The following ZNF107 variants were observed in gnomAD, a reference collection of about 807,000 sequenced individuals.
The protein encoded by ZNF107 is C2H2 type zinc-finger protein.
ZNF107 carries 19 observed loss-of-function variants against 12.3 expected under a neutral mutation model. That is an observed-to-expected ratio of 1.55 (90% CI 1.08 to 2.27). ZNF107 has a LOEUF of 2.27. Ranked by LOEUF, ZNF107 falls within the 30% of genes most tolerant of loss-of-function variation. The pLI is 0.00. For missense variants in ZNF107, 958 were observed against 979.9 expected (o/e 0.98, Z 0.30); for synonymous variants, 317 against 330.5 (o/e 0.96, Z 0.44).
At chr7:64,666,400 G>GC (rs1789004015) in intron 1 of ZNF107, 115 bp downstream of exon 1, 2 of 1,413,520 alleles carry the variant, frequency 1.4e-6, no homozygotes, top group Non-Finnish European at 9.7e-7. Flanking sequence ...GTTCTCCTTG[G>GC]CGCAGCTCGG....
At chr7:64,666,627 CAG>C (rs1789016503) in intron 1 of ZNF107, among the ~76,000 whole-genome samples, 1 of 152,168 alleles carries the variant, frequency 6.6e-6, no homozygotes, top group African/African-American at 2.4e-5. Context: ...GGAGGGTCAT[CAG>C]GGGAGAATCC....
chr7:64,666,678 A>G (rs1789018891), intron 1 of ZNF107, among the ~76,000 whole-genome samples: 1 of 152,210 alleles, frequency 6.6e-6, no homozygotes, highest in Non-Finnish European at 1.5e-5. Flanking sequence ...GAAAAGCTTT[A>G]GTCTGTGGGG....
intron 1 of ZNF107, among the ~76,000 whole-genome samples, chr7:64,668,514 C>G (rs559219374): frequency 6.6e-6 from 1 of 151,656 alleles, no homozygotes; most frequent in South Asian, 2.1e-4. Context: ...CCCCGCCACT[C>G]CCTGGGTTTG....
In ZNF107 at chr7:64,706,517, C is replaced by A; in HGVS notation, c.420C>A (p.Thr140=). Residue 140 remains threonine, a synonymous_variant, in exon 4 of 4, where the codon ACC becomes ACA. Transcript: ENST00000620827. The part of the protein sequence containing the change: ...HNTVNQCLTA[T]PSKIFQCNKY... ...CAGTTAACCAATGTTTGACAGCTACCCCAAGCAAAATATTCCAGTGTAATA... is the reference window on the plus strand; with the variant it reads ...CAGTTAACCAATGTTTGACAGCTACACCAAGCAAAATATTCCAGTGTAATA... 3 of 1,610,404 alleles carry A rather than the reference C, an allele frequency of 1.9e-6. No individual in the cohort carries two copies. Among genetic ancestry groups the A allele is most frequent in the Non-Finnish European group, 2.5e-6 (3 of 1,178,058 alleles).
intron 3 of ZNF107, among the ~76,000 whole-genome samples, chr7:64,705,781 T>G (rs1045386876): frequency 6.6e-5 from 10 of 151,952 alleles, no homozygotes; most frequent in Non-Finnish European, 1.5e-4. Flanking sequence ...GTTACCTGTC[T>G]GTAGTACTGC....
chr7:64,683,378 A>G (rs962208156), intron 1 of ZNF107, among the ~76,000 whole-genome samples: 5 of 152,184 alleles, frequency 3.3e-5, no homozygotes, highest in Non-Finnish European at 5.9e-5. Context: ...CCCTATCACT[A>G]AAGGAAATGC....
intron 3 of ZNF107, among the ~76,000 whole-genome samples, chr7:64,706,121 T>G (rs1273964017): frequency 6.6e-6 from 1 of 152,188 alleles, no homozygotes; most frequent in African/African-American, 2.4e-5. Context: ...CTGCACACAC[T>G]GAACTCATTT....
intron 1 of ZNF107, chr7:64,689,671 A>G (rs571128108): frequency 3.2e-5 from 4 of 126,410 alleles, no homozygotes; most frequent in Non-Finnish European, 6.6e-5. Flanking sequence ...AATCAGCCTG[A>G]GTCTCTCCTG....
intron 1 of ZNF107, among the ~76,000 whole-genome samples, chr7:64,670,891 CA>C (rs1789195790): frequency 6.6e-6 from 1 of 152,140 alleles, no homozygotes. Flanking sequence ...TCTAAATTTT[CA>C]AACAGTAGTT....
chr7:64,681,744 C>G (rs936262527), intron 1 of ZNF107, among the ~76,000 whole-genome samples: 2 of 152,114 alleles, frequency 1.3e-5, no homozygotes, highest in African/African-American at 2.4e-5. Context: ...CATTAACTCT[C>G]CCATCCTTCC....
intron 1 of ZNF107, among the ~76,000 whole-genome samples, chr7:64,668,774 A>C (rs1158792183): frequency 6.6e-6 from 1 of 152,016 alleles, no homozygotes; most frequent in East Asian, 1.9e-4. Flanking sequence ...ACGGTATTCC[A>C]AGGCTTAGTT....
chr7:64,678,687 G>C (rs779139233), intron 1 of ZNF107, among the ~76,000 whole-genome samples: 1 of 152,088 alleles, frequency 6.6e-6, no homozygotes, highest in Non-Finnish European at 1.5e-5. Context: ...TTTATACTTA[G>C]GTATTTTATC....
intron 3 of ZNF107, among the ~76,000 whole-genome samples, chr7:64,698,678 C>T (rs932664314): frequency 4.6e-5 from 7 of 152,284 alleles, no homozygotes; most frequent in African/African-American, 7.2e-5. Flanking sequence ...ACCTCAGCCT[C>T]CCAAAGTGCT....
intron 1 of ZNF107, among the ~76,000 whole-genome samples, chr7:64,673,941 G>A (rs1475440384): frequency 6.6e-6 from 1 of 151,952 alleles, no homozygotes; most frequent in African/African-American, 2.4e-5. Flanking sequence ...GTTTTTTGTT[G>A]TTGTTGTTGT....
chr7:64,666,178 T>A lies in ZNF107; in HGVS notation c.-105T>A. 1 of 1,482,284 alleles carries A rather than the reference T, an allele frequency of 6.7e-7. No individual in the cohort carries two copies. Among genetic ancestry groups the A allele is most frequent in the Non-Finnish European group, 9.3e-7 (1 of 1,073,838 alleles). 91.8% of individuals were successfully genotyped at this position (1,482,284 alleles called of 1,614,324 possible). A position where few individuals can be genotyped will look rare whatever the true frequency, so the allele number is the denominator to read the frequency against. On this transcript the variant is annotated 5_prime_UTR_variant, in exon 1 of 4. Coordinates refer to ENST00000620827, the MANE Select transcript of ZNF107 (RefSeq NM_001282359.2). ...CCGGAGCTCCTGCTCTCCTCCTCAC[T>A]GCTCAGTGTCCTCTGCTCCTAGAGG...
chr7:64,687,583 C>G, intron 1 of ZNF107: 12 of 984,318 alleles, frequency 1.2e-5, no homozygotes, highest in Non-Finnish European at 1.4e-5. Context: ...GCAAAATTAC[C>G]TTTTGTCATG....
At chr7:64,691,982 T>C in intron 3 of ZNF107, 22 bp downstream of exon 3, 2 of 1,390,464 alleles carry the variant, frequency 1.4e-6, no homozygotes, top group Non-Finnish European at 1.9e-6. Context: ...TGAAAGTGAA[T>C]ACAACAGATG....
intron 1 of ZNF107, among the ~76,000 whole-genome samples, chr7:64,667,559 T>G (rs1320213080): frequency 6.6e-6 from 1 of 152,256 alleles, no homozygotes; most frequent in Admixed American, 6.5e-5. Flanking sequence ...GGTTTTCTCC[T>G]GGTCCTGGGT....
rs145995310 is a variant in ZNF107 at position 64,681,174 on chromosome 7, G to A, written c.4-10074G>A. On this transcript the variant is annotated intron_variant, in intron 1 of 3. Transcript: ENST00000620827. Reference sequence around the variant, plus strand: ...AGGAATGACACTGCCCGAACACCTCGGAGGCCCCATGGACCATCATGGACC... The same window carrying A: ...AGGAATGACACTGCCCGAACACCTCAGAGGCCCCATGGACCATCATGGACC... Among the ~76,000 whole-genome samples the A allele has an allele frequency of 6.6e-4, 101 of 152,060 alleles. 1 individual carries two copies. In the East Asian group the frequency reaches 0.016, roughly 23 times the overall value.
Sources: gnomAD v4.1 joint callset for allele counts (sites outside exome capture counted in the v4.1 genomes callset) on GRCh38, gnomAD v4.1.1 for gene constraint, MANE v1.5 for transcripts, NCBI Gene and HGNC (gene_info 2026-07-23, HGNC 2026-07-21) for gene names.